Variants in SLC4A10 observed in about 807,000 individuals in gnomAD.
The protein encoded by SLC4A10 is sodium-driven chloride bicarbonate exchanger.
Under a neutral mutation model 137.7 loss-of-function variants are expected in SLC4A10, and 42 were observed. That is an observed-to-expected ratio of 0.30 (90% CI 0.24 to 0.39). SLC4A10 has a LOEUF of 0.39. Ranked by LOEUF, SLC4A10 falls within the 10% of genes least tolerant of loss-of-function variation. The pLI is 1.00. For synonymous variants in SLC4A10, 474 were observed against 464.1 expected (o/e 1.02, Z -0.27); for missense variants, 925 against 1,355.0 (o/e 0.68, Z 4.98).
At chr2:161,824,723 A>G (rs2057898640) in intron 3 of SLC4A10, among the ~76,000 whole-genome samples, 1 of 152,238 alleles carries the variant, frequency 6.6e-6, no homozygotes, top group Non-Finnish European at 1.5e-5. Context: ...TTTTTACAAC[A>G]TGGACCCTTC....
intron 1 of SLC4A10, among the ~76,000 whole-genome samples, chr2:161,711,697 C>A (rs986255639): frequency 4.6e-5 from 7 of 151,720 alleles, no homozygotes; most frequent in African/African-American, 1.7e-4. Flanking sequence ...TTTGCAAATT[C>A]TTCTGGTTTG....
chr2:161,785,580 A>G (rs1300790943), intron 2 of SLC4A10, among the ~76,000 whole-genome samples: 5 of 151,996 alleles, frequency 3.3e-5, no homozygotes, highest in East Asian at 1.9e-4. Context: ...ATACAAATCA[A>G]TAAATGTGAT....
chr2:161,747,606 G>A (rs544026100), intron 1 of SLC4A10, among the ~76,000 whole-genome samples: 120 of 152,216 alleles, frequency 7.9e-4, no homozygotes, highest in African/African-American at 2.8e-3. Flanking sequence ...GATGATCATT[G>A]GAAGGTTCTG....
At chr2:161,677,340 A>C (rs1306630875) in intron 1 of SLC4A10, among the ~76,000 whole-genome samples, 3 of 152,134 alleles carry the variant, frequency 2.0e-5, no homozygotes, top group Non-Finnish European at 4.4e-5. Context: ...CCAGCAGCCG[A>C]ATAAACCTGT....
intron 3 of SLC4A10, among the ~76,000 whole-genome samples, chr2:161,832,748 G>GTTTTGT (rs372568887): frequency 3.3e-5 from 5 of 151,914 alleles, no homozygotes; most frequent in Admixed American, 2.0e-4. Flanking sequence ...GTTTTGTTTT[G>GTTTTGT]TTTTGTTTTT....
intron 1 of SLC4A10, among the ~76,000 whole-genome samples, chr2:161,704,954 A>G (rs1046334427): frequency 6.6e-6 from 1 of 151,700 alleles, no homozygotes; most frequent in Non-Finnish European, 1.5e-5. Context: ...TTGCCAAGTT[A>G]TCTTGAGAAG....
chr2:161,780,190 T>C (rs2052845286), intron 2 of SLC4A10, among the ~76,000 whole-genome samples: 1 of 152,062 alleles, frequency 6.6e-6, no homozygotes, highest in South Asian at 2.1e-4. Context: ...TTTAATTAGA[T>C]GACAAAATAT....
At chr2:161,931,834 GAACT>G (rs1342423598) in intron 15 of SLC4A10, among the ~76,000 whole-genome samples, 1 of 152,098 alleles carries the variant, frequency 6.6e-6, no homozygotes, top group East Asian at 1.9e-4. Context: ...GGAGATCAAA[GAACT>G]AATGTGTTTG....
At chr2:161,907,055 CAA>C (rs556899761) in intron 15 of SLC4A10, among the ~76,000 whole-genome samples, 10 of 90,938 alleles carry the variant, frequency 1.1e-4, no homozygotes, top group Admixed American at 5.8e-4. Context: ...GACTCCGTCT[CAA>C]AAAAAAAAAA....
chr2:161,771,109 A>G (rs1242881542), intron 2 of SLC4A10, 55 bp downstream of exon 2: 22 of 1,254,870 alleles, frequency 1.8e-5, no homozygotes, highest in Non-Finnish European at 2.5e-5. Flanking sequence ...AGTATTTCAC[A>G]GATAAATGTA....
At chr2:161,792,193 G>T (rs2054281126) in intron 2 of SLC4A10, among the ~76,000 whole-genome samples, 1 of 152,092 alleles carries the variant, frequency 6.6e-6, no homozygotes, top group South Asian at 2.1e-4. Flanking sequence ...GTGCGTATAT[G>T]TATATATAAT....
chr2:161,624,926 A>G (rs1241980088), intron 1 of SLC4A10, among the ~76,000 whole-genome samples: 1 of 152,012 alleles, frequency 6.6e-6, no homozygotes, highest in East Asian at 1.9e-4. Context: ...CCTTGCAGAG[A>G]AGCCCCCTTT....
At chr2:161,809,048 C>T (rs777975615) in intron 3 of SLC4A10, among the ~76,000 whole-genome samples, 13 of 152,264 alleles carry the variant, frequency 8.5e-5, no homozygotes, top group South Asian at 2.1e-4. Context: ...ATAAGCATTC[C>T]GTTTTCTCTG....
Position 161,627,352 on chromosome 2 carries a change from A to C in SLC4A10, c.48+2786A>C, listed in dbSNP as rs564534461. 7.2e-5 allele frequency among the ~76,000 whole-genome samples: 11 copies of C among 152,250 alleles called. No homozygotes were observed. The East Asian group carries it at 2.1e-3, about 29-fold the overall frequency. On this transcript the variant is annotated intron_variant, in intron 1 of 26. Coordinates refer to ENST00000446997, the MANE Select transcript of SLC4A10 (RefSeq NM_001178015.2). ...GGCGTTTTTTAGTTATAATTATGAA[A>C]ACTTTGCAGTATGCTTGGAGAGCCA...
intron 1 of SLC4A10, among the ~76,000 whole-genome samples, chr2:161,680,277 A>C (rs2040713103): frequency 6.6e-6 from 1 of 152,158 alleles, no homozygotes; most frequent in African/African-American, 2.4e-5. Flanking sequence ...TTAATAGTAA[A>C]TAAATATTTA....
At chr2:161,685,377 G>C (rs948821271) in intron 1 of SLC4A10, among the ~76,000 whole-genome samples, 1 of 152,178 alleles carries the variant, frequency 6.6e-6, no homozygotes, top group Non-Finnish European at 1.5e-5. Flanking sequence ...AGGCCGAGGT[G>C]GGTGGATTAT....
intron 1 of SLC4A10, among the ~76,000 whole-genome samples, chr2:161,759,238 A>G (rs550303689): frequency 6.6e-6 from 1 of 152,136 alleles, no homozygotes; most frequent in South Asian, 2.1e-4. Context: ...CAAGGTGTAC[A>G]GTGATGATTT....
intron 6 of SLC4A10, among the ~76,000 whole-genome samples, chr2:161,865,590 T>C (rs1356785787): frequency 6.6e-6 from 1 of 152,120 alleles, no homozygotes; most frequent in Non-Finnish European, 1.5e-5. Context: ...CACCTCCTTA[T>C]GACTCTGTTT....
chr2:161,837,934 A>G (rs2058919425), intron 3 of SLC4A10, among the ~76,000 whole-genome samples: 1 of 152,212 alleles, frequency 6.6e-6, no homozygotes, highest in African/African-American at 2.4e-5. Context: ...TGATATTACA[A>G]GGAGAAAACA....
Sources: allele counts gnomAD v4.1 joint callset (sites outside exome capture counted in the v4.1 genomes callset), GRCh38; gene constraint gnomAD v4.1.1; transcripts MANE v1.5; gene names NCBI Gene and HGNC (gene_info 2026-07-23, HGNC 2026-07-21).